The following PARVB variants were observed in gnomAD, a reference collection of about 807,000 sequenced individuals.
PARVB encodes the protein parvin beta, also known as beta-parvin.
Under a neutral mutation model 47.0 loss-of-function variants are expected in PARVB, and 46 were observed. That is an observed-to-expected ratio of 0.98 (90% confidence interval 0.77 to 1.25). The LOEUF (loss-of-function observed/expected upper bound fraction) is 1.25. PARVB is among the 50% of genes most tolerant of loss of function. PARVB has a pLI of 0.00. For missense variants in PARVB, 473 were observed against 471.6 expected (o/e 1.00, Z -0.03); for synonymous variants, 196 against 196.3 (o/e 1.00, Z 0.01).
At chr22:44,130,343 G>A (rs2053281624) in intron 4 of PARVB, among the ~76,000 whole-genome samples, 1 of 152,212 alleles carries the variant, frequency 6.6e-6, no homozygotes, top group African/African-American at 2.4e-5. Context: ...GGGAAACTGG[G>A]GGTCCTTCCT....
At chr22:44,151,646 A>G (rs747380407) in intron 10 of PARVB, 95 bp downstream of exon 10, 2 of 957,964 alleles carry the variant, frequency 2.1e-6, no homozygotes, top group African/African-American at 3.2e-5. Flanking sequence ...AGCTGGCGCC[A>G]TTTTGTTCAT....
chr22:44,011,658 T>C (rs2050524411), intron 2 of PARVB, among the ~76,000 whole-genome samples: 1 of 152,016 alleles, frequency 6.6e-6, no homozygotes, highest in Admixed American at 6.6e-5. Context: ...TTTAAAAAAT[T>C]GAGTCCTTGC....
intron 8 of PARVB, chr22:44,142,771 G>A (rs1371655055): frequency 1.3e-5 from 2 of 152,242 alleles, no homozygotes; most frequent in Admixed American, 6.5e-5. Flanking sequence ...AATTGTTCTC[G>A]TTACTTTGTA....
intron 3 of PARVB, chr22:44,107,959 T>G (rs1326086269): frequency 6.6e-6 from 1 of 151,798 alleles, no homozygotes; most frequent in Non-Finnish European, 1.5e-5. Flanking sequence ...CTGCAACCTC[T>G]GCCTCCCGGG....
At chr22:44,119,835 G>A (rs762039396) in intron 4 of PARVB, 2 of 532,480 alleles carry the variant, frequency 3.8e-6, no homozygotes, top group South Asian at 1.4e-5. Flanking sequence ...GATGCCGCAG[G>A]TTCTGAGTAG....
intron 12 of PARVB, among the ~76,000 whole-genome samples, chr22:44,165,771 C>T (rs1050378904): frequency 3.3e-5 from 5 of 152,276 alleles, no homozygotes; most frequent in East Asian, 3.9e-4. Flanking sequence ...AGTGCCACCA[C>T]GTGCTGCTGA....
intron 1 of PARVB, among the ~76,000 whole-genome samples, chr22:44,035,724 C>T (rs1042022112): frequency 6.6e-6 from 1 of 151,916 alleles, no homozygotes; most frequent in African/African-American, 2.4e-5. Context: ...TTGTATGAGT[C>T]CCATAGTGTT....
upstream of PARVB, among the ~76,000 whole-genome samples, chr22:44,022,901 C>T (rs1248198808): frequency 2.6e-5 from 4 of 151,966 alleles, no homozygotes; most frequent in Non-Finnish European, 1.5e-5. Flanking sequence ...CATCCACCAC[C>T]ATGCCCCGAT....
rs2052365448 is a variant in PARVB at position 44,098,594 on chromosome 22, C to T, written c.203-1459C>T. ...CACATGGAGGACGCCGGCCTTGATCCCAGCAGGAGTGGGAGGCTGCGGAGG... is the reference window on the plus strand; with the variant it reads ...CACATGGAGGACGCCGGCCTTGATCTCAGCAGGAGTGGGAGGCTGCGGAGG... On this transcript the variant is annotated intron_variant, in intron 2 of 12. Coordinates refer to ENST00000338758, the MANE Select transcript of PARVB (RefSeq NM_013327.5). Among the ~76,000 whole-genome samples the T allele has an allele frequency of 1.3e-5, 2 of 152,084 alleles. 1 individual carries two copies. Among genetic ancestry groups the T allele is most frequent in the South Asian group, 4.1e-4 (2 of 4,828 alleles).
chr22:44,122,586 G>GAGAGAGAGAGAGAGAGAGAGAC (rs2053093202), intron 4 of PARVB, among the ~76,000 whole-genome samples: 1 of 134,220 alleles, frequency 7.5e-6, no homozygotes, highest in African/African-American at 3.1e-5. Flanking sequence ...GAGAGAGAGA[G>GAGAGAGAGAGAGAGAGAGAGAC]AGAGAGAGAG....
chr22:44,128,406 G>T (rs1261244146), intron 4 of PARVB, among the ~76,000 whole-genome samples: 1 of 152,188 alleles, frequency 6.6e-6, no homozygotes, highest in Non-Finnish European at 1.5e-5. Context: ...AGGGGTCCTG[G>T]CCACAACAGA....
chr22:44,103,945 T>G lies in PARVB; in HGVS notation c.273+3822T>G, dbSNP rs772746981. The G allele has an allele frequency of 1.3e-5, 2 of 152,310 alleles. No homozygotes were observed. Among genetic ancestry groups the G allele is most frequent in the Non-Finnish European group, 2.9e-5 (2 of 68,090 alleles). 9.4% of individuals were successfully genotyped at this position (152,310 alleles called of 1,614,324 possible). A position where few individuals can be genotyped will look rare whatever the true frequency, so the allele number is the denominator to read the frequency against. On this transcript the variant is annotated intron_variant, in intron 3 of 12. Transcript: ENST00000338758. The surrounding 1 kb of genome is among the most constrained non-coding windows in gnomAD (Gnocchi z 4.6). ...AGCCCAGTGGAACAGATTTTGGACT[T>G]TGACCTCTAGGACTGCAAGAGAATC...
At chr22:44,007,220 A>C (rs1455617269) in intron 2 of PARVB, among the ~76,000 whole-genome samples, 2 of 138,978 alleles carry the variant, frequency 1.4e-5, no homozygotes, top group Non-Finnish European at 3.1e-5. Context: ...ACAGGTCAGC[A>C]GGGGGTACCC....
At chr22:44,046,965 G>T (rs552520892) in intron 1 of PARVB, among the ~76,000 whole-genome samples, 2 of 152,088 alleles carry the variant, frequency 1.3e-5, no homozygotes, top group African/African-American at 4.8e-5. Flanking sequence ...GTCGGTGTGC[G>T]GGGGGTGGGG....
In PARVB at chr22:44,049,009, G is replaced by A. The variant is rs745945093; in HGVS notation, c.112+24558G>A. On this transcript the variant is annotated intron_variant, in intron 1 of 12. Transcript: ENST00000338758. This position sits in a 1 kb window ranked among gnomAD's most constrained non-coding sequence, Gnocchi z 4.0. ...CTGGCCTATTTCACTCCATTTTGCC[G>A]AGGAGGGAACAGAAGTGTGGAGTCC... Among the ~76,000 whole-genome samples the A allele has an allele frequency of 7.2e-5, 11 of 152,200 alleles. No homozygotes were observed. The highest frequency in any genetic ancestry group is 1.9e-4 in the African/African-American group (8 of 41,450).
intron 1 of PARVB, among the ~76,000 whole-genome samples, chr22:44,061,855 G>A (rs532836761): frequency 4.6e-5 from 7 of 152,146 alleles, no homozygotes; most frequent in Admixed American, 2.6e-4. Context: ...GACCTCAGGC[G>A]ATCCACCCGC....
At chr22:44,006,549 C>T (rs1228143885) in intron 2 of PARVB, among the ~76,000 whole-genome samples, 1 of 152,148 alleles carries the variant, frequency 6.6e-6, no homozygotes, top group Admixed American at 6.5e-5. Flanking sequence ...CACTTGAGCC[C>T]AGAAGGCAGA....
intron 3 of PARVB, among the ~76,000 whole-genome samples, chr22:44,102,222 C>T (rs915771129): frequency 1.2e-4 from 19 of 152,252 alleles, no homozygotes; most frequent in Admixed American, 9.2e-4. Flanking sequence ...CTTCCTCCAC[C>T]TTTTTGTTCT....
intron 8 of PARVB, chr22:44,142,557 C>T (rs2053576093): frequency 6.6e-6 from 1 of 152,218 alleles, no homozygotes; most frequent in Admixed American, 6.6e-5. Flanking sequence ...GGGCCTCAGG[C>T]TGTGTATAGC....
Sources: allele counts gnomAD v4.1 joint callset (sites outside exome capture counted in the v4.1 genomes callset), GRCh38; gene constraint gnomAD v4.1.1; non-coding constraint Gnocchi (gnomAD v3.1); transcripts MANE v1.5; gene names NCBI Gene and HGNC (gene_info 2026-07-23, HGNC 2026-07-21).